The following MYT1L variants were observed in gnomAD, a reference collection of about 807,000 sequenced individuals.
The protein encoded by MYT1L is myelin transcription factor 1 like.
Under a neutral mutation model 126.7 loss-of-function variants are expected in MYT1L, and 12 were observed. That is an observed-to-expected ratio of 0.09 (90% CI 0.06 to 0.15). MYT1L has a LOEUF of 0.15. MYT1L is among the 10% of genes least tolerant of loss of function. The probability of loss-of-function intolerance (pLI) is 1.00; values close to 1 mark genes in which losing one functional copy is unlikely to be tolerated. For synonymous variants in MYT1L, 541 were observed against 604.2 expected (o/e 0.90, Z 1.53); for missense variants, 979 against 1,585.2 (o/e 0.62, Z 6.49).
intron 1 of MYT1L, among the ~76,000 whole-genome samples, chr2:2,308,483 C>T (rs1250449898): frequency 1.3e-5 from 2 of 151,666 alleles, no homozygotes; most frequent in Admixed American, 1.3e-4. Context: ...TCTATCTATA[C>T]TCCAACTATG....
At chr2:2,174,910 A>T (rs575039067) in intron 2 of MYT1L, among the ~76,000 whole-genome samples, 24 of 152,014 alleles carry the variant, frequency 1.6e-4, no homozygotes, top group Non-Finnish European at 2.6e-4. Context: ...TAAAAGTTTA[A>T]ATCTGTTTTT....
At chr2:2,201,765 CT>C (rs1159115467) in intron 2 of MYT1L, among the ~76,000 whole-genome samples, 1 of 152,052 alleles carries the variant, frequency 6.6e-6, no homozygotes, top group Non-Finnish European at 1.5e-5. Flanking sequence ...GCTAAACTCT[CT>C]AATCTGTAGT....
chr2:1,980,312 ATATC>A (rs2060509499), intron 5 of MYT1L, among the ~76,000 whole-genome samples: 4 of 139,984 alleles, frequency 2.9e-5, no homozygotes, highest in South Asian at 2.2e-4. Context: ...GTTTATATTT[ATATC>A]TATATATACA....
chr2:2,247,383 G>A (rs1323099434), intron 2 of MYT1L, among the ~76,000 whole-genome samples: 1 of 152,066 alleles, frequency 6.6e-6, no homozygotes, highest in African/African-American at 2.4e-5. Flanking sequence ...GATATATAAA[G>A]CAAATATTAT....
At chr2:1,847,190 G>T (rs190186679) in intron 19 of MYT1L, among the ~76,000 whole-genome samples, 25 of 152,316 alleles carry the variant, frequency 1.6e-4, no homozygotes, top group African/African-American at 5.1e-4. Flanking sequence ...CTCTGTGCCC[G>T]CGCATCTTCA....
At chr2:2,168,216 G>C (rs1572079798) in intron 3 of MYT1L, among the ~76,000 whole-genome samples, 4 of 152,306 alleles carry the variant, frequency 2.6e-5, no homozygotes, top group Admixed American at 2.6e-4. Context: ...GCATCCCAGA[G>C]GCTCCAGGTC....
chr2:2,119,774 G>C (rs1396593713), intron 3 of MYT1L, among the ~76,000 whole-genome samples: 31 of 152,102 alleles, frequency 2.0e-4, no homozygotes, highest in Non-Finnish European at 1.5e-5. Flanking sequence ...CTGTATGTAT[G>C]CATTCTCTTT....
intron 3 of MYT1L, among the ~76,000 whole-genome samples, chr2:2,095,732 T>G (rs1028782292): frequency 1.3e-5 from 2 of 151,826 alleles, no homozygotes; most frequent in African/African-American, 4.8e-5. Context: ...AATAAATACA[T>G]GAGCATCAGG....
At chr2:2,004,909 T>C (rs906537776) in intron 4 of MYT1L, among the ~76,000 whole-genome samples, 76 of 148,754 alleles carry the variant, frequency 5.1e-4, no homozygotes, top group African/African-American at 1.2e-3. Flanking sequence ...CTTTCCTGCA[T>C]GCGTTCTTTC....
chr2:2,118,993 C>T (rs1364927814), intron 3 of MYT1L, among the ~76,000 whole-genome samples: 3 of 152,262 alleles, frequency 2.0e-5, no homozygotes, highest in Non-Finnish European at 4.4e-5. Context: ...TCCAGTTTTC[C>T]TGCCACCATA....
rs115040386 is a variant in MYT1L at position 2,228,897 on chromosome 2, G to A, written c.-421+55507C>T. ...ATTAACAATCTTTTTAAAAAATACA[G>A]GACAAGGGCAAGTTAATAAGAAGAA... On this transcript the variant is annotated intron_variant, in intron 2 of 24. Transcript: ENST00000647738. The surrounding 1 kb of genome is among the most constrained non-coding windows in gnomAD (Gnocchi z 5.9). 0.017 allele frequency among the ~76,000 whole-genome samples: 2,619 copies of A among 152,172 alleles called. 34 individuals are homozygous for A. Among genetic ancestry groups the A allele is most frequent in the Non-Finnish European group, 0.027 (1,840 of 68,012 alleles).
At chr2:2,148,124 G>A (rs1020430890) in intron 3 of MYT1L, among the ~76,000 whole-genome samples, 1 of 152,110 alleles carries the variant, frequency 6.6e-6, no homozygotes, top group African/African-American at 2.4e-5. Flanking sequence ...CCTGGTGCCC[G>A]CATGACTTAT....
chr2:2,271,502 G>A (rs997047742), intron 2 of MYT1L, among the ~76,000 whole-genome samples: 2 of 152,168 alleles, frequency 1.3e-5, no homozygotes, highest in Non-Finnish European at 2.9e-5. Flanking sequence ...TCTCCTAGAG[G>A]GAACAAACAG....
intron 2 of MYT1L, among the ~76,000 whole-genome samples, chr2:2,263,455 G>A (rs939105428): frequency 5.9e-5 from 9 of 152,162 alleles, no homozygotes; most frequent in South Asian, 2.1e-4. Flanking sequence ...ACCGTGTGGC[G>A]CAGATGACCT....
intron 3 of MYT1L, among the ~76,000 whole-genome samples, chr2:2,056,491 C>A (rs2069580854): frequency 6.6e-6 from 1 of 152,242 alleles, no homozygotes. Context: ...TGTGTGTGCA[C>A]ATCCATCCGT....
chr2:2,198,817 G>C (rs974975154), intron 2 of MYT1L, among the ~76,000 whole-genome samples: 1 of 152,114 alleles, frequency 6.6e-6, no homozygotes, highest in Non-Finnish European at 1.5e-5. Flanking sequence ...CTGCACTCCA[G>C]CCTGGGCGAC....
chr2:2,191,490 C>A lies in MYT1L; in HGVS notation c.-420-18502G>T, dbSNP rs138038683. ...GGGTGCCAACCCGAAGCCGCCCATC[C>A]TCACTGCTCTACAGCAGGGACCTCA... is the stretch of plus-strand genomic sequence containing the variant. On this transcript the variant is annotated intron_variant, in intron 2 of 24. Coordinates refer to ENST00000647738, the MANE Select transcript of MYT1L (RefSeq NM_001303052.2). Among the ~76,000 whole-genome samples, 16 of 152,324 alleles carry A rather than the reference C, an allele frequency of 1.1e-4. 2 individuals carry two copies. Among genetic ancestry groups the A allele is most frequent in the African/African-American group, 3.6e-4 (15 of 41,572 alleles).
chr2:2,002,294 A>C (rs578109647), intron 4 of MYT1L, among the ~76,000 whole-genome samples: 2 of 152,222 alleles, frequency 1.3e-5, no homozygotes, highest in East Asian at 3.9e-4. Flanking sequence ...GCCGAACAGC[A>C]GCCTGCCTTG....
intron 4 of MYT1L, among the ~76,000 whole-genome samples, chr2:2,039,658 C>T (rs1170870369): frequency 1.3e-5 from 2 of 152,168 alleles, no homozygotes; most frequent in African/African-American, 2.4e-5. Context: ...CAAAGATAGA[C>T]AACTTTAACA....
Sources: gnomAD v4.1 joint callset for allele counts (sites outside exome capture counted in the v4.1 genomes callset) on GRCh38, gnomAD v4.1.1 for gene constraint, Gnocchi (gnomAD v3.1) non-coding constraint, MANE v1.5 for transcripts, NCBI Gene and HGNC (gene_info 2026-07-23, HGNC 2026-07-21) for gene names.